The following ZNF148 variants were observed in gnomAD, a reference collection of about 807,000 sequenced individuals.
ZNF148 encodes Beta-Enolase Repressor Factor-1.
ZNF148 carries 7 observed loss-of-function variants against 67.7 expected under a neutral mutation model. That is an observed-to-expected ratio of 0.10 (90% CI 0.06 to 0.19). The LOEUF is 0.19. Among genes scored for constraint, ZNF148 ranks in the 10% least tolerant of loss-of-function variants. The pLI is 1.00. For synonymous variants in ZNF148, 333 were observed against 330.7 expected, an observed-to-expected ratio of 1.01 and a Z score of -0.08; for missense variants, 583 against 947.1, an observed-to-expected ratio of 0.62 and a Z score of 5.05.
At chr3:125,319,764 G>T (rs899710527) in intron 3 of ZNF148, among the ~76,000 whole-genome samples, 1 of 152,106 alleles carries the variant, frequency 6.6e-6, no homozygotes, top group Non-Finnish European at 1.5e-5. Context: ...ACAAATTGGG[G>T]CTTACCCAAG....
intron 1 of ZNF148, among the ~76,000 whole-genome samples, 172 bp downstream of exon 1, chr3:125,374,930 C>G (rs1943015457): frequency 6.6e-6 from 1 of 151,854 alleles, no homozygotes. Context: ...CGTCCCCCAG[C>G]CAGCCCCAGC....
rs1415010776 is a variant in ZNF148 at position 125,233,732 on chromosome 3, C to G, written c.994G>C (p.Ala332Pro). ...TTTTTCAGGTCAGATTTGTCCAAAG[C>G]ACTCTCTTTGTCCATTCCAGATGAT... ...KKSSGMDKESALDKSDLKKDK... is the reference protein window; with the variant it reads ...KKSSGMDKESPLDKSDLKKDK... The change falls in exon 9 of 9, where the codon GCT becomes CCT. Residue 332 changes from alanine (A) to proline (P), a missense_variant. Physicochemically the swap from Ala to Pro is conservative, Grantham distance 27 (BLOSUM62 -1). This residue lies in a region of ZNF148 where 78 missense variants were observed against 86.5 expected (regional missense o/e 0.90). Transcript: ENST00000360647. The surrounding 1 kb of genome is among the most constrained non-coding windows in gnomAD (Gnocchi z 5.1). 6.2e-7 allele frequency: 1 copy of G among 1,613,628 alleles called. No individual in the cohort carries two copies. The highest frequency in any genetic ancestry group is 8.5e-7 in the Non-Finnish European group (1 of 1,179,852).
intron 1 of ZNF148, among the ~76,000 whole-genome samples, chr3:125,336,244 T>C (rs1042741748): frequency 1.3e-5 from 2 of 152,198 alleles, no homozygotes; most frequent in African/African-American, 2.4e-5. Flanking sequence ...ACAGCACACA[T>C]GGCATAAGAA....
At chr3:125,250,476 G>A (rs1240412204) in intron 7 of ZNF148, among the ~76,000 whole-genome samples, 1 of 152,100 alleles carries the variant, frequency 6.6e-6, no homozygotes, top group Non-Finnish European at 1.5e-5. Context: ...CCTGAGTGTG[G>A]ACCTCTGATT....
At chr3:125,322,027 CTTT>C (rs35879999) in intron 3 of ZNF148, among the ~76,000 whole-genome samples, 5 of 82,926 alleles carry the variant, frequency 6.0e-5, no homozygotes, top group Non-Finnish European at 8.5e-5. Flanking sequence ...TAATCAACGG[CTTT>C]TTTTTTTTTT....
At chr3:125,255,764 T>C (rs2107558916) in intron 7 of ZNF148, among the ~76,000 whole-genome samples, 1 of 152,274 alleles carries the variant, frequency 6.6e-6, no homozygotes, top group East Asian at 1.9e-4. Context: ...AAAGATGTCA[T>C]TCCATTTTTC....
intron 7 of ZNF148, among the ~76,000 whole-genome samples, chr3:125,264,299 G>C (rs2107579525): frequency 6.6e-6 from 1 of 152,336 alleles, no homozygotes; most frequent in African/African-American, 2.4e-5. Flanking sequence ...ATCCGAAGAG[G>C]GGGCAGCCTT....
intron 2 of ZNF148, among the ~76,000 whole-genome samples, chr3:125,327,907 T>C (rs1941097244): frequency 6.6e-6 from 1 of 152,152 alleles, no homozygotes; most frequent in South Asian, 2.1e-4. Context: ...GAGTCTCATA[T>C]GTATCCTCCT....
chr3:125,334,051 TA>T (rs564207958), intron 1 of ZNF148, among the ~76,000 whole-genome samples: 30 of 152,354 alleles, frequency 2.0e-4, no homozygotes, highest in Admixed American at 1.0e-3. Context: ...TACAAACTTG[TA>T]TACCTATATA....
chr3:125,353,855 C>T (rs149645792), intron 1 of ZNF148, among the ~76,000 whole-genome samples: 8 of 152,036 alleles, frequency 5.3e-5, no homozygotes, highest in Non-Finnish European at 8.8e-5. Flanking sequence ...GGGAAGATCA[C>T]GTGAGCCTAG....
chr3:125,364,917 G>A (rs1292912806), intron 1 of ZNF148, among the ~76,000 whole-genome samples: 2 of 152,024 alleles, frequency 1.3e-5, no homozygotes, highest in African/African-American at 4.8e-5. Flanking sequence ...AGCTAATCTA[G>A]ACCACCAACC....
chr3:125,268,421 ATTG>A (rs1937588626), intron 7 of ZNF148, among the ~76,000 whole-genome samples: 1 of 152,102 alleles, frequency 6.6e-6, no homozygotes, highest in Non-Finnish European at 1.5e-5. Context: ...CCTACAACCA[ATTG>A]ATATTCAAGA....
intron 3 of ZNF148, among the ~76,000 whole-genome samples, chr3:125,322,746 T>C (rs1184466284): frequency 1.3e-5 from 2 of 152,208 alleles, no homozygotes; most frequent in South Asian, 2.1e-4. Context: ...TCTACCTTTA[T>C]AAGCCTCTGT....
chr3:125,243,867 T>TA (rs1936475417), intron 7 of ZNF148, among the ~76,000 whole-genome samples: 1 of 152,190 alleles, frequency 6.6e-6, no homozygotes, highest in Non-Finnish European at 1.5e-5. Flanking sequence ...GACTGATATC[T>TA]ATTTTTCCTG....
At chr3:125,284,913 CAA>C (rs11420317) in intron 5 of ZNF148, among the ~76,000 whole-genome samples, 6 of 131,416 alleles carry the variant, frequency 4.6e-5, no homozygotes, top group Non-Finnish European at 3.2e-5. Flanking sequence ...TTAAGTTTTC[CAA>C]AAAAAAAAAA....
intron 4 of ZNF148, among the ~76,000 whole-genome samples, chr3:125,303,716 T>A (rs1246865043): frequency 6.6e-6 from 1 of 151,704 alleles, no homozygotes. Flanking sequence ...TTATATATTA[T>A]AATATAATAA....
chr3:125,306,232 T>C (rs1939868137), intron 4 of ZNF148, among the ~76,000 whole-genome samples: 1 of 152,154 alleles, frequency 6.6e-6, no homozygotes, highest in African/African-American at 2.4e-5. Context: ...TCACCAAACT[T>C]TCTACTTTAA....
chr3:125,235,137 G>T (rs1402203839), intron 7 of ZNF148, among the ~76,000 whole-genome samples: 1 of 152,118 alleles, frequency 6.6e-6, no homozygotes, highest in Non-Finnish European at 1.5e-5. Flanking sequence ...AATAATGCTT[G>T]TTGGGGAAAC....
chr3:125,298,288 T>C (rs189094067), intron 4 of ZNF148, among the ~76,000 whole-genome samples: 2 of 151,160 alleles, frequency 1.3e-5, no homozygotes, highest in East Asian at 2.0e-4. Flanking sequence ...CGCTTTTCTG[T>C]ATAAATGTTA....
Sources: gnomAD v4.1 joint callset for allele counts (sites outside exome capture counted in the v4.1 genomes callset) on GRCh38, gnomAD v4.1.1 for gene constraint, gnomAD v4.1.1 regional missense constraint, Gnocchi (gnomAD v3.1) non-coding constraint, MANE v1.5 for transcripts, NCBI Gene and HGNC (gene_info 2026-07-23, HGNC 2026-07-21) for gene names.